The following WDPCP variants were observed in gnomAD, a reference collection of about 807,000 sequenced individuals.
WDPCP encodes the protein WD repeat-containing and planar cell polarity effector protein fritz homolog.
Under a neutral mutation model 93.1 loss-of-function variants are expected in WDPCP, and 71 were observed. The observed-to-expected ratio is 0.76, with a 90% CI of 0.63 to 0.93. The LOEUF (loss-of-function observed/expected upper bound fraction) is 0.93. Among genes scored for constraint, WDPCP ranks in the 40% least tolerant of loss-of-function variants. The pLI is 0.00. For synonymous variants in WDPCP, 315 were observed against 315.0 expected (o/e 1.00, Z 0.00); for missense variants, 844 against 887.4 (o/e 0.95, Z 0.62).
chr2:63,450,953 T>A (rs930074177), intron 6 of WDPCP, among the ~76,000 whole-genome samples: 7 of 152,002 alleles, frequency 4.6e-5, no homozygotes, highest in Non-Finnish European at 1.0e-4. Context: ...CAAGGAAATA[T>A]AAAACCTCCA....
intron 10 of WDPCP, among the ~76,000 whole-genome samples, chr2:63,392,702 C>G (rs555068372): frequency 1.3e-5 from 2 of 152,244 alleles, no homozygotes; most frequent in African/African-American, 2.4e-5. Flanking sequence ...AAAAAACAAA[C>G]AACCCCATCA....
rs188629544 is a variant in WDPCP, at chr2:63,250,433, A to T, written c.1915+8874T>A. On this transcript the variant is annotated intron_variant, in intron 14 of 17. Transcript: ENST00000272321. ...GACTGCAGGTAATTGATACCACAGA[A>T]AGGAAATTAGCAGATAAGGGGAGAC... Among the ~76,000 whole-genome samples, 37 of 152,324 alleles carry T rather than the reference A, an allele frequency of 2.4e-4. No homozygotes were observed. In the East Asian group the frequency reaches 2.5e-3, roughly 10 times the overall value.
intron 2 of WDPCP, among the ~76,000 whole-genome samples, chr2:63,696,531 T>C (rs536357961): frequency 1.4e-4 from 22 of 152,172 alleles, no homozygotes; most frequent in African/African-American, 4.6e-4. Flanking sequence ...ACCACAGGAA[T>C]AGAGCTCCAA....
chr2:63,606,564 T>G (rs556632249), intron 3 of WDPCP, among the ~76,000 whole-genome samples: 3 of 152,340 alleles, frequency 2.0e-5, no homozygotes, highest in African/African-American at 7.2e-5. Flanking sequence ...CCTCTAGTAT[T>G]AGAGACCTAC....
intron 14 of WDPCP, among the ~76,000 whole-genome samples, chr2:63,183,949 C>T (rs1674438262): frequency 6.6e-6 from 1 of 152,004 alleles, no homozygotes; most frequent in South Asian, 2.1e-4. Context: ...TACTCCTGCT[C>T]ACTTTTAGTT....
chr2:63,676,762 A>G (rs191075682), intron 2 of WDPCP, among the ~76,000 whole-genome samples: 29 of 146,934 alleles, frequency 2.0e-4, no homozygotes, highest in African/African-American at 6.4e-4. Flanking sequence ...GGGAGGATAC[A>G]GATGTGAAAA....
At chr2:63,237,367 A>C (rs1480441137) in intron 14 of WDPCP, among the ~76,000 whole-genome samples, 2 of 152,180 alleles carry the variant, frequency 1.3e-5, no homozygotes, top group African/African-American at 4.8e-5. Flanking sequence ...GGGAATGCTT[A>C]TACACTGTTG....
At chr2:63,445,594 G>T (rs1261876744) in intron 6 of WDPCP, among the ~76,000 whole-genome samples, 1 of 152,098 alleles carries the variant, frequency 6.6e-6, no homozygotes, top group East Asian at 1.9e-4. Context: ...AAAAGAAAAA[G>T]AGCACCAAGA....
rs559208955 is a variant in WDPCP at position 63,507,915 on chromosome 2, G to T, written c.76-14975C>A. On this transcript the variant is annotated intron_variant, in intron 1 of 17. Transcript: ENST00000272321. ...GAATGAAAAGGAACGAACAAAGCCT[G>T]CAAGAAATATGGGACTATGTGAAAA... Among the ~76,000 whole-genome samples the T allele has an allele frequency of 3.9e-5, 6 of 152,128 alleles. No individual in the cohort carries two copies. The South Asian group carries it at 1.2e-3, about 32-fold the overall frequency.
At chr2:63,281,832 G>A (rs1216186790) in intron 13 of WDPCP, among the ~76,000 whole-genome samples, 2 of 152,134 alleles carry the variant, frequency 1.3e-5, no homozygotes, top group Non-Finnish European at 2.9e-5. Context: ...AGAAAATGGT[G>A]GGGGTGCGGT....
At chr2:63,447,741 T>C (rs1384645042) in intron 6 of WDPCP, among the ~76,000 whole-genome samples, 1 of 152,034 alleles carries the variant, frequency 6.6e-6, no homozygotes, top group Non-Finnish European at 1.5e-5. Context: ...AATAGGGAGG[T>C]AGATATAGAT....
intron 13 of WDPCP, among the ~76,000 whole-genome samples, chr2:63,307,264 C>T (rs918538248): frequency 2.0e-5 from 3 of 152,180 alleles, no homozygotes; most frequent in African/African-American, 7.2e-5. Flanking sequence ...GAAAATATTC[C>T]ATGCTCATGG....
intron 6 of WDPCP, among the ~76,000 whole-genome samples, chr2:63,480,058 C>CT (rs1375767753): frequency 6.6e-6 from 1 of 151,952 alleles, no homozygotes; most frequent in Middle Eastern, 3.2e-3. Flanking sequence ...TTAATGTATA[C>CT]AATCAGTAGC....
upstream of WDPCP, among the ~76,000 whole-genome samples, chr2:63,592,973 G>A (rs1001652076): frequency 1.3e-5 from 2 of 151,666 alleles, no homozygotes; most frequent in Non-Finnish European, 2.9e-5. Context: ...TGAAAAACGT[G>A]TAGGCCATTA....
At chr2:63,364,319 C>A (rs150000978) in intron 12 of WDPCP, among the ~76,000 whole-genome samples, 1 of 152,236 alleles carries the variant, frequency 6.6e-6, no homozygotes, top group Non-Finnish European at 1.5e-5. Flanking sequence ...ATAATATTCT[C>A]GGGTCACACT....
intron 14 of WDPCP, among the ~76,000 whole-genome samples, chr2:63,187,498 A>G (rs1674724976): frequency 6.6e-6 from 1 of 152,108 alleles, no homozygotes; most frequent in Non-Finnish European, 1.5e-5. Context: ...TGTGCATTGT[A>G]TGGATATTTT....
chr2:63,306,993 C>G (rs1298128213), intron 13 of WDPCP, among the ~76,000 whole-genome samples: 3 of 152,118 alleles, frequency 2.0e-5, no homozygotes, highest in Non-Finnish European at 4.4e-5. Context: ...TTAGAAAACC[C>G]CATCGTCTCA....
At chr2:63,480,185 T>TGA (rs997959895) in intron 6 of WDPCP, among the ~76,000 whole-genome samples, 2 of 152,000 alleles carry the variant, frequency 1.3e-5, no homozygotes, top group Non-Finnish European at 2.9e-5. Flanking sequence ...ACCAAGGAAG[T>TGA]GAGAGATCTC....
chr2:63,233,846 C>A (rs1300189973), intron 14 of WDPCP, among the ~76,000 whole-genome samples: 1 of 152,132 alleles, frequency 6.6e-6, no homozygotes, highest in East Asian at 1.9e-4. Flanking sequence ...TGAGGTTGAT[C>A]TGGTGCCCAG....
Sources: gnomAD v4.1 joint callset for allele counts (sites outside exome capture counted in the v4.1 genomes callset) on GRCh38, gnomAD v4.1.1 for gene constraint, MANE v1.5 for transcripts, NCBI Gene and HGNC (gene_info 2026-07-23, HGNC 2026-07-21) for gene names.